The following DIP2C variants were observed in gnomAD, a reference collection of about 807,000 sequenced individuals.
DIP2C encodes disco-interacting protein 2 homolog C.
In DIP2C, 33 loss-of-function variants were observed where a neutral mutation model predicts 192.4. That is an observed-to-expected ratio of 0.17 (90% CI 0.13 to 0.23). The LOEUF is 0.23. DIP2C is among the 10% of genes least tolerant of loss of function. DIP2C has a pLI of 1.00. For missense variants in DIP2C, 1,537 were observed against 2,110.1 expected (o/e 0.73, Z 5.32); for synonymous variants, 979 against 864.1 (o/e 1.13, Z -2.33).
chr10:659,523 C>T (rs1856625273), intron 1 of DIP2C, among the ~76,000 whole-genome samples: 1 of 152,214 alleles, frequency 6.6e-6, no homozygotes, highest in Non-Finnish European at 1.5e-5. Context: ...TGAGGTCTCA[C>T]ACACAGCACA....
At chr10:480,138 G>A (rs190828609) in intron 2 of DIP2C, among the ~76,000 whole-genome samples, 190 of 147,200 alleles carry the variant, frequency 1.3e-3, no homozygotes, top group Admixed American at 3.6e-3. Context: ...CCTGAGCCCC[G>A]GTCCATACTC....
At chr10:621,141 A>G (rs1853820381) in intron 1 of DIP2C, among the ~76,000 whole-genome samples, 1 of 152,200 alleles carries the variant, frequency 6.6e-6, no homozygotes, top group African/African-American at 2.4e-5. Flanking sequence ...CGGACTCAAC[A>G]CAGGCACAGG....
intron 1 of DIP2C, among the ~76,000 whole-genome samples, chr10:617,385 G>T (rs1277801753): frequency 2.6e-5 from 4 of 152,150 alleles, no homozygotes; most frequent in African/African-American, 9.7e-5. Flanking sequence ...GATGGGAATG[G>T]TAACTGAACC....
chr10:547,500 G>A (rs79818151), intron 1 of DIP2C, among the ~76,000 whole-genome samples: 281 of 152,252 alleles, frequency 1.8e-3, no homozygotes, highest in Non-Finnish European at 3.4e-3. Context: ...TGTTACAGAG[G>A]AGGAAAGCAG....
At chr10:661,971 G>T (rs41289273) in intron 1 of DIP2C, 13 of 705,306 alleles carry the variant, frequency 1.8e-5, no homozygotes, top group Admixed American at 1.6e-4. Context: ...GCACTGAATC[G>T]CTCAGCTCAC....
At chr10:348,067 C>T (rs1958605518) in intron 26 of DIP2C, among the ~76,000 whole-genome samples, 1 of 152,332 alleles carries the variant, frequency 6.6e-6, no homozygotes, top group Non-Finnish European at 1.5e-5. Context: ...CCAGACGCGT[C>T]GCCACACTTT....
chr10:290,884 G>T (rs1955456904), intron 32 of DIP2C, among the ~76,000 whole-genome samples: 1 of 152,230 alleles, frequency 6.6e-6, no homozygotes, highest in Admixed American at 6.5e-5. Flanking sequence ...CCTGTCGCTG[G>T]CCGGAATCAG....
intron 1 of DIP2C, among the ~76,000 whole-genome samples, chr10:577,252 T>A (rs1205772572): frequency 6.6e-6 from 1 of 152,232 alleles, no homozygotes; most frequent in South Asian, 2.1e-4. Context: ...GTTAAGTCAC[T>A]GGATTTAGAG....
chr10:679,397 A>ATCTG (rs1564336315), intron 1 of DIP2C, among the ~76,000 whole-genome samples: 1 of 38,578 alleles, frequency 2.6e-5, no homozygotes, highest in Admixed American at 2.8e-4. Flanking sequence ...CCCCGCGCCC[A>ATCTG]TGCTCCCCAC....
At position 363,668 on chromosome 10, in the gene DIP2C, G is replaced by A. The variant is rs768935291; in HGVS notation, c.2478-357C>T. ...CACAGCTCGAGTTTGCACCCGTGAA[G>A]TTAACGGTCTCCAAATCAGTAGAAA... On this transcript the variant is annotated intron_variant, in intron 20 of 36. Transcript: ENST00000280886. The surrounding 1 kb of genome is among the most constrained non-coding windows in gnomAD (Gnocchi z 5.4). 1.2e-4 allele frequency among the ~76,000 whole-genome samples: 19 copies of A among 152,210 alleles called. No individual in the cohort carries two copies. Among genetic ancestry groups the A allele is most frequent in the Admixed American group, 4.6e-4 (7 of 15,278 alleles).
At chr10:611,948 AATTTCAAG>A (rs1853125012) in intron 1 of DIP2C, among the ~76,000 whole-genome samples, 1 of 151,604 alleles carries the variant, frequency 6.6e-6, no homozygotes. Context: ...TAAGCTCTTT[AATTTCAAG>A]ATTTTCAGAC....
At chr10:585,506 C>A (rs1850961992) in intron 1 of DIP2C, among the ~76,000 whole-genome samples, 1 of 152,236 alleles carries the variant, frequency 6.6e-6, no homozygotes, top group South Asian at 2.1e-4. Flanking sequence ...GCTCCAGGAT[C>A]ACGGCCCAGG....
At chr10:461,119 A>G (rs888504377) in intron 3 of DIP2C, among the ~76,000 whole-genome samples, 1 of 152,262 alleles carries the variant, frequency 6.6e-6, no homozygotes, top group African/African-American at 2.4e-5. Context: ...AAGACCACTG[A>G]CACTGTGAAG....
At position 283,324 on chromosome 10, in the gene DIP2C, G is replaced by C; in HGVS notation, c.4242C>G (p.Arg1414=). The change falls in exon 35 of 37, where the codon CGC becomes CGG. Residue 1414 remains arginine (R), a synonymous_variant. Coordinates refer to ENST00000280886, the MANE Select transcript of DIP2C (RefSeq NM_014974.3). The part of the protein sequence containing the change: ...SFGDTQTIWA[R]TGYLGFLRRT... ...TCCGCAGGAACCCCAAGTAGCCTGT[G>C]CGTGCCCAGATGGTCTGGGTGTCTC... 1.2e-6 allele frequency: 2 copies of C among 1,614,118 alleles called. No homozygotes were observed. The highest frequency in any genetic ancestry group is 2.2e-5 in the South Asian group (2 of 91,078).
chr10:618,769 C>T (rs1853643292), intron 1 of DIP2C, among the ~76,000 whole-genome samples: 1 of 152,116 alleles, frequency 6.6e-6, no homozygotes, highest in Non-Finnish European at 1.5e-5. Flanking sequence ...GACCTCGGTC[C>T]ACACAGACAC....
chr10:400,557 C>T (rs370427908), intron 9 of DIP2C, among the ~76,000 whole-genome samples: 560 of 150,230 alleles, frequency 3.7e-3, no homozygotes, highest in African/African-American at 7.6e-3. Flanking sequence ...TGATTTTACA[C>T]GTGTGGTAGC....
intron 29 of DIP2C, among the ~76,000 whole-genome samples, chr10:330,461 A>G (rs1287934430): frequency 1.3e-5 from 2 of 152,188 alleles, no homozygotes; most frequent in South Asian, 2.1e-4. Context: ...TAGATACCAT[A>G]CATTAAAATA....
chr10:677,602 A>G (rs1830919087), intron 1 of DIP2C, among the ~76,000 whole-genome samples: 1 of 152,232 alleles, frequency 6.6e-6, no homozygotes, highest in Non-Finnish European at 1.5e-5. Context: ...GTTATTATAC[A>G]TAGTTGAAGC....
chr10:283,562 G>A, intron 34 of DIP2C, 116 bp from the exon 35 acceptor site: 3 of 1,265,670 alleles, frequency 2.4e-6, no homozygotes, highest in South Asian at 1.4e-5. Flanking sequence ...ACGTTTCCTT[G>A]GACTGAATAA....
Sources: allele counts gnomAD v4.1 joint callset (sites outside exome capture counted in the v4.1 genomes callset), GRCh38; gene constraint gnomAD v4.1.1; non-coding constraint Gnocchi (gnomAD v3.1); transcripts MANE v1.5; gene names NCBI Gene and HGNC (gene_info 2026-07-23, HGNC 2026-07-21).